Variants in SMG6 observed in about 807,000 individuals in gnomAD.
SMG6 encodes the protein telomerase-binding protein EST1A.
SMG6 carries 66 observed loss-of-function variants against 142.2 expected under a neutral mutation model. The ratio of observed to expected loss-of-function variants is 0.46; its 90% confidence interval spans 0.38 to 0.57. The LOEUF (loss-of-function observed/expected upper bound fraction) is 0.57. Among genes scored for constraint, SMG6 ranks in the 20% least tolerant of loss-of-function variants. SMG6 has a pLI of 0.00. For synonymous variants in SMG6, 779 were observed against 702.4 expected (o/e 1.11, Z -1.72); for missense variants, 1,793 against 1,832.0 (o/e 0.98, Z 0.39).
At chr17:2,215,171 A>C (rs2072977187) in intron 10 of SMG6, among the ~76,000 whole-genome samples, 1 of 152,158 alleles carries the variant, frequency 6.6e-6, no homozygotes, top group Admixed American at 6.6e-5. Flanking sequence ...TAATGTGAAG[A>C]GTGGCTGCTG....
chr17:2,288,936 G>A (rs1025047329), intron 6 of SMG6, among the ~76,000 whole-genome samples: 11 of 151,220 alleles, frequency 7.3e-5, no homozygotes, highest in South Asian at 2.1e-4. Flanking sequence ...AAAATTAGCC[G>A]GGTGTGGTGG....
At chr17:2,269,030 C>T (rs940850916) in intron 8 of SMG6, among the ~76,000 whole-genome samples, 1 of 151,902 alleles carries the variant, frequency 6.6e-6, no homozygotes, top group Admixed American at 6.6e-5. Context: ...TGGTGAAACC[C>T]CGTCTCTACT....
chr17:2,090,360 G>A (rs1597369348), intron 13 of SMG6, among the ~76,000 whole-genome samples: 1 of 152,058 alleles, frequency 6.6e-6, no homozygotes, highest in East Asian at 1.9e-4. Context: ...GAGGGTAAGA[G>A]AGAACGGGAA....
intron 10 of SMG6, among the ~76,000 whole-genome samples, chr17:2,219,539 C>A (rs367916903): frequency 1.3e-5 from 2 of 151,978 alleles, no homozygotes; most frequent in Non-Finnish European, 2.9e-5. Flanking sequence ...GTAATCCCAG[C>A]GCATTTTGAG....
intron 13 of SMG6, among the ~76,000 whole-genome samples, chr17:2,107,123 T>C (rs2069177118): frequency 6.6e-6 from 1 of 152,178 alleles, no homozygotes; most frequent in Admixed American, 6.5e-5. Flanking sequence ...CCCAAAGTGC[T>C]GGGATTATAG....
chr17:2,288,145 C>A (rs2074949411), intron 6 of SMG6, among the ~76,000 whole-genome samples: 2 of 152,094 alleles, frequency 1.3e-5, no homozygotes, highest in South Asian at 4.1e-4. Context: ...GAAACCCCAT[C>A]TGCATTAAAA....
chr17:2,268,408 G>C (rs1046628994), intron 8 of SMG6, among the ~76,000 whole-genome samples: 4 of 152,226 alleles, frequency 2.6e-5, no homozygotes, highest in African/African-American at 9.6e-5. Flanking sequence ...ATACACAGCA[G>C]CTTTCACAGC....
chr17:2,293,856 A>C (rs2151400611), intron 4 of SMG6, among the ~76,000 whole-genome samples: 1 of 152,314 alleles, frequency 6.6e-6, no homozygotes, highest in East Asian at 1.9e-4. Flanking sequence ...CCTTCACCTA[A>C]AACAATGGAT....
intron 15 of SMG6, among the ~76,000 whole-genome samples, chr17:2,072,610 C>T (rs1047882916): frequency 7.9e-5 from 12 of 152,094 alleles, no homozygotes; most frequent in African/African-American, 2.2e-4. Flanking sequence ...TGATGCTTAC[C>T]GCTGCAAGCT....
chr17:2,219,991 G>A (rs1240036545), intron 10 of SMG6, among the ~76,000 whole-genome samples: 7 of 152,052 alleles, frequency 4.6e-5, no homozygotes, highest in Admixed American at 4.6e-4. Flanking sequence ...GCATGATCTC[G>A]TCTCACTGCA....
intron 10 of SMG6, among the ~76,000 whole-genome samples, chr17:2,188,732 G>A (rs1435439344): frequency 1.3e-5 from 2 of 152,178 alleles, no homozygotes; most frequent in Admixed American, 6.5e-5. Flanking sequence ...GGTCACCTCT[G>A]TCAATTCTAC....
At chr17:2,101,694 T>A (rs1348957224) in intron 13 of SMG6, 3 of 152,200 alleles carry the variant, frequency 2.0e-5, no homozygotes, top group Non-Finnish European at 4.4e-5. Context: ...GAATGGTTAC[T>A]ACAAGCCAGG....
Position 2,278,485 on chromosome 17 carries a change from G to A in SMG6, c.2661+4162C>T, listed in dbSNP as rs368804280. Among the ~76,000 whole-genome samples, 8 of 152,186 alleles carry A rather than the reference G, an allele frequency of 5.3e-5. No individual in the cohort carries two copies. The South Asian group carries it at 8.3e-4, about 16-fold the overall frequency. ...CTCCCAAAGTGCTGGCATTACAAGC[G>A]TGAGCCACCGTACCCAGCCTAAACT... On this transcript the variant is annotated intron_variant, in intron 8 of 18. Coordinates refer to ENST00000263073, the MANE Select transcript of SMG6 (RefSeq NM_017575.5).
chr17:2,195,237 G>A (rs1158324701), intron 10 of SMG6, among the ~76,000 whole-genome samples: 1 of 152,144 alleles, frequency 6.6e-6, no homozygotes, highest in Non-Finnish European at 1.5e-5. Context: ...GTTTACTGGG[G>A]AAAGTATAAA....
chr17:2,273,270 A>G (rs2074577758), intron 8 of SMG6, among the ~76,000 whole-genome samples: 1 of 152,136 alleles, frequency 6.6e-6, no homozygotes, highest in African/African-American at 2.4e-5. Flanking sequence ...AATCCCAGCA[A>G]TTTGGAAGGC....
chr17:2,251,731 C>A (rs1217380144), intron 8 of SMG6, among the ~76,000 whole-genome samples: 1 of 152,180 alleles, frequency 6.6e-6, no homozygotes, highest in African/African-American at 2.4e-5. Flanking sequence ...CTCCAGAAAA[C>A]ACAGCCAACC....
At chr17:2,073,259 T>C (rs2068158216) in intron 15 of SMG6, among the ~76,000 whole-genome samples, 1 of 151,984 alleles carries the variant, frequency 6.6e-6, no homozygotes, top group African/African-American at 2.4e-5. Flanking sequence ...AATTTTTGTA[T>C]TTTTAGTAGA....
intron 13 of SMG6, among the ~76,000 whole-genome samples, chr17:2,136,898 C>T (rs528301063): frequency 7.2e-5 from 11 of 152,220 alleles, no homozygotes; most frequent in African/African-American, 2.4e-4. Flanking sequence ...ATGGCTCACG[C>T]TTGTAATTTC....
At position 2,061,368 on chromosome 17, in the gene SMG6, A is replaced by C; in HGVS notation, c.*124T>G. The stretch of plus-strand genomic sequence containing the variant: ...CAGCATGGCCGTGGCGTGGGTTGGA[A>C]GAGGATGGTTTATTGTCTGGGTGGA... On this transcript the variant is annotated 3_prime_UTR_variant, in exon 19 of 19. Coordinates refer to ENST00000263073, the MANE Select transcript of SMG6 (RefSeq NM_017575.5). The C allele has an allele frequency of 2.1e-6, 2 of 960,634 alleles. No individual in the cohort carries two copies. Among genetic ancestry groups the C allele is most frequent in the Non-Finnish European group, 3.1e-6 (2 of 654,728 alleles). The allele number at this position is 960,634 out of a possible 1,614,324, so 59.5% of individuals were successfully genotyped here. A position where few individuals can be genotyped will look rare whatever the true frequency, so the allele number is the denominator to read the frequency against.
Sources: allele counts gnomAD v4.1 joint callset (sites outside exome capture counted in the v4.1 genomes callset), GRCh38; gene constraint gnomAD v4.1.1; transcripts MANE v1.5; gene names NCBI Gene and HGNC (gene_info 2026-07-23, HGNC 2026-07-21).